Variants in EVC2 observed in about 807,000 individuals in gnomAD.
EVC2 encodes the protein EvC ciliary complex subunit 2, also known as limbin.
Under a neutral mutation model 149.3 loss-of-function variants are expected in EVC2, and 148 were observed. The observed-to-expected ratio is 0.99, with a 90% confidence interval of 0.87 to 1.14. The LOEUF is 1.14. Among genes scored for constraint, EVC2 ranks in the 50% most tolerant of loss-of-function variants. The pLI is 0.00. For missense variants in EVC2, 1,854 were observed against 1,627.3 expected (o/e 1.14, Z -2.40); for synonymous variants, 776 against 649.9 (o/e 1.19, Z -2.95).
At chr4:5,555,886 G>A (rs1246002657) in intron 21 of EVC2, among the ~76,000 whole-genome samples, 6 of 151,986 alleles carry the variant, frequency 3.9e-5, no homozygotes, top group African/African-American at 1.2e-4. Context: ...GCCACATAAC[G>A]ACAAACTTAA....
intron 21 of EVC2, among the ~76,000 whole-genome samples, chr4:5,550,383 G>A (rs913391896): frequency 4.6e-5 from 7 of 152,164 alleles, no homozygotes; most frequent in African/African-American, 1.7e-4. Context: ...CCAGAGCGAA[G>A]GTGACTCTTG....
intron 11 of EVC2, 91 bp downstream of exon 11, chr4:5,631,702 G>C (rs1716546932): frequency 3.9e-6 from 6 of 1,547,674 alleles, no homozygotes; most frequent in Non-Finnish European, 5.3e-6. Context: ...ACAGTACAAA[G>C]GAGAGGCAGG....
At chr4:5,532,105 A>T in the EVC2 span, among the ~76,000 whole-genome samples, 3 of 152,090 alleles carry the variant, frequency 2.0e-5, no homozygotes, top group African/African-American at 7.2e-5. Context: ...AACCATGGAT[A>T]CAGAGGGCCA....
At chr4:5,600,894 T>A (rs536024689) in intron 16 of EVC2, among the ~76,000 whole-genome samples, 14 of 152,334 alleles carry the variant, frequency 9.2e-5, no homozygotes, top group African/African-American at 3.1e-4. Context: ...AGGAAAAGTC[T>A]CTGAATTTAG....
Position 5,691,240 on chromosome 4 carries a change from A to G in EVC2, c.519+25T>C, listed in dbSNP as rs763214453. 2.5e-6 allele frequency: 4 copies of G among 1,602,420 alleles called. No individual in the cohort carries two copies. In the African/African-American group the frequency reaches 5.3e-5, roughly 21 times the overall value. ...CAAAATCCAATTATTTTCTCTTCAA[A>G]TATACACCACCAGTGGAAACTTACC... On this transcript the variant is annotated intron_variant, in intron 4 of 21. Coordinates refer to ENST00000344408, the MANE Select transcript of EVC2 (RefSeq NM_147127.5).
the EVC2 span, among the ~76,000 whole-genome samples, chr4:5,536,356 C>T: frequency 4.3e-3 from 657 of 151,996 alleles, 3 homozygotes; most frequent in African/African-American, 0.014. Flanking sequence ...ATAAGAAATA[C>T]ATTTAATAAT....
At chr4:5,588,251 G>A (rs189596237) in intron 16 of EVC2, among the ~76,000 whole-genome samples, 487 of 150,514 alleles carry the variant, frequency 3.2e-3, no homozygotes, top group Non-Finnish European at 6.0e-3. Flanking sequence ...ATGAGAAATC[G>A]GCTGTCAACC....
At chr4:5,668,811 T>C (rs1560211008) in intron 7 of EVC2, among the ~76,000 whole-genome samples, 4 of 152,166 alleles carry the variant, frequency 2.6e-5, no homozygotes, top group Admixed American at 1.3e-4. Context: ...GCTAGGTAAA[T>C]GTAGTGAGTT....
chr4:5,658,459 A>T (rs1718672011), intron 9 of EVC2, among the ~76,000 whole-genome samples: 1 of 152,242 alleles, frequency 6.6e-6, no homozygotes, highest in South Asian at 2.1e-4. Flanking sequence ...CTAAACACAC[A>T]TATTTAAAAA....
At position 5,569,215 on chromosome 4, in the gene EVC2, C is replaced by T. The variant is rs930434025; in HGVS notation, c.3361-575G>A. Among the ~76,000 whole-genome samples, 4 of 152,120 alleles carry T rather than the reference C, an allele frequency of 2.6e-5. No homozygotes were observed. Among genetic ancestry groups the T allele is most frequent in the East Asian group, 3.9e-4 (2 of 5,178 alleles). ...CGTGATGAGACTTGGAACTGGAGAG[C>T]GGCAGTGGATGCCAGGTGTGGGGCA... On this transcript the variant is annotated intron_variant, in intron 19 of 21. Coordinates refer to ENST00000344408, the MANE Select transcript of EVC2 (RefSeq NM_147127.5). This position sits in a 1 kb window ranked among gnomAD's most constrained non-coding sequence, Gnocchi z 4.8.
chr4:5,601,937 CAT>C (rs1378720503), intron 16 of EVC2, among the ~76,000 whole-genome samples: 1 of 152,050 alleles, frequency 6.6e-6, no homozygotes, highest in East Asian at 1.9e-4. Context: ...GAAGATGTGA[CAT>C]GTGTGATGGT....
Position 5,686,650 on chromosome 4 carries a change from G to C in EVC2, c.707-1171C>G, listed in dbSNP as rs1720733988. 6.6e-6 allele frequency among the ~76,000 whole-genome samples: 1 copy of C among 152,044 alleles called. No homozygotes were observed. Among genetic ancestry groups the C allele is most frequent in the Non-Finnish European group, 1.5e-5 (1 of 68,022 alleles). On this transcript the variant is annotated intron_variant, in intron 5 of 21. Transcript: ENST00000344408. The surrounding 1 kb of genome is among the most constrained non-coding windows in gnomAD (Gnocchi z 5.4). Reference sequence around the variant, plus strand: ...GGACAGGGAGCCACCTGACCCTCTGGGTCCCATCATCTTTTCCCCAAACAA... The same window carrying C: ...GGACAGGGAGCCACCTGACCCTCTGCGTCCCATCATCTTTTCCCCAAACAA...
chr4:5,564,239 G>A (rs148774252), intron 21 of EVC2, among the ~76,000 whole-genome samples: 3 of 152,368 alleles, frequency 2.0e-5, no homozygotes, highest in African/African-American at 4.8e-5. Context: ...TCTAGGCAGA[G>A]CAAAGGCCCG....
At chr4:5,664,646 GAAC>G (rs778281964) in intron 8 of EVC2, among the ~76,000 whole-genome samples, 57 of 152,258 alleles carry the variant, frequency 3.7e-4, no homozygotes, top group African/African-American at 1.3e-3. Context: ...GGGACAAAAT[GAAC>G]AACAGGCTCC....
At chr4:5,587,130 CACATA>C (rs1394933268) in intron 16 of EVC2, among the ~76,000 whole-genome samples, 10 of 152,110 alleles carry the variant, frequency 6.6e-5, no homozygotes, top group Admixed American at 6.6e-4. Context: ...AAGTGAAATG[CACATA>C]ACATAAAATT....
At chr4:5,668,724 T>C (rs1384766599) in intron 7 of EVC2, among the ~76,000 whole-genome samples, 1 of 152,184 alleles carries the variant, frequency 6.6e-6, no homozygotes, top group Non-Finnish European at 1.5e-5. Context: ...ACAACTTGTT[T>C]TTTCATCTTC....
At chr4:5,687,981 C>T (rs564453004) in intron 5 of EVC2, among the ~76,000 whole-genome samples, 42 of 152,310 alleles carry the variant, frequency 2.8e-4, no homozygotes, top group African/African-American at 9.9e-4. Flanking sequence ...GGGAGTCACC[C>T]AGGTCCATCT....
chr4:5,533,942 A>G, the EVC2 span, among the ~76,000 whole-genome samples: 1 of 152,182 alleles, frequency 6.6e-6, no homozygotes, highest in African/African-American at 2.4e-5. Flanking sequence ...GAGAAGACAA[A>G]CATGGCAGAA....
chr4:5,638,070 A>C (rs1185066044), intron 10 of EVC2, among the ~76,000 whole-genome samples: 1 of 151,982 alleles, frequency 6.6e-6, no homozygotes, highest in African/African-American at 2.4e-5. Context: ...AGCCTCCCTT[A>C]TTGAGCATGT....
Sources: allele counts gnomAD v4.1 joint callset (sites outside exome capture counted in the v4.1 genomes callset), GRCh38; gene constraint gnomAD v4.1.1; non-coding constraint Gnocchi (gnomAD v3.1); transcripts MANE v1.5; gene names NCBI Gene and HGNC (gene_info 2026-07-23, HGNC 2026-07-21).